The following PCDHGA1 variants were observed in gnomAD, a reference collection of about 807,000 sequenced individuals.
PCDHGA1 encodes protocadherin gamma subfamily A, 1, also known as protocadherin gamma-A1.
A neutral mutation model predicts 58.0 loss-of-function variants in PCDHGA1; 32 were observed. The ratio of observed to expected loss-of-function variants is 0.55; its 90% CI spans 0.42 to 0.74. The LOEUF is 0.74. Among genes scored for constraint, PCDHGA1 ranks in the 30% least tolerant of loss-of-function variants. PCDHGA1 has a pLI of 0.00. For missense variants in PCDHGA1, 1,205 were observed against 1,182.3 expected (o/e 1.02, Z -0.28); for synonymous variants, 498 against 501.1 (o/e 0.99, Z 0.08).
At chr5:141,470,589 G>A (rs1593264687) in intron 1 of PCDHGA1, among the ~76,000 whole-genome samples, 1 of 152,300 alleles carries the variant, frequency 6.6e-6, no homozygotes, top group East Asian at 1.9e-4. Flanking sequence ...TCATAGGCAG[G>A]CGACCTGTGC....
chr5:141,472,623 TAA>T (rs2099291037), intron 1 of PCDHGA1, among the ~76,000 whole-genome samples: 1 of 152,018 alleles, frequency 6.6e-6, no homozygotes, highest in Non-Finnish European at 1.5e-5. Context: ...AGAAAAAAGA[TAA>T]AGACTGGGAA....
At chr5:141,395,807 A>G (rs1561656089) in intron 1 of PCDHGA1, 1 of 152,004 alleles carries the variant, frequency 6.6e-6, no homozygotes, top group Non-Finnish European at 1.5e-5. Context: ...ATCCTTCAAA[A>G]CATGAACAAA....
intron 1 of PCDHGA1, chr5:141,384,681 G>A (rs1373910602): frequency 6.2e-7 from 1 of 1,614,180 alleles, no homozygotes; most frequent in South Asian, 1.1e-5. Context: ...TGGTGGCGGT[G>A]GACAAAGATT....
chr5:141,474,405 G>C (rs2099348833), intron 1 of PCDHGA1, among the ~76,000 whole-genome samples: 1 of 152,196 alleles, frequency 6.6e-6, no homozygotes, highest in Admixed American at 6.5e-5. Context: ...AAGCTCCCCG[G>C]TGATGCCTAG....
rs186060216 is a variant in PCDHGA1, at chr5:141,344,384, T to C, written c.2421+11279T>C. The C allele has an allele frequency of 5.3e-5, 86 of 1,612,814 alleles. No individual in the cohort carries two copies. The African/African-American group carries it at 1.1e-3, about 20-fold the overall frequency. On this transcript the variant is annotated intron_variant, in intron 1 of 3. Coordinates refer to ENST00000517417, the MANE Select transcript of PCDHGA1 (RefSeq NM_018912.3). Reference sequence around the variant, plus strand: ...TGGTTGAGGATAAATTGAAAATTTTTGAAGTAGAAATAGAAATTAAAGATA... The same window carrying C: ...TGGTTGAGGATAAATTGAAAATTTTCGAAGTAGAAATAGAAATTAAAGATA...
rs375310818 is a variant in PCDHGA1 at position 141,376,558 on chromosome 5, C to A, written c.2421+43453C>A. On this transcript the variant is annotated intron_variant, in intron 1 of 3. Transcript: ENST00000517417. Reference sequence around the variant, plus strand: ...AAGAGTAATCTGATCTTCCCGCAACCCAACTAATCAGACAGGCTCATCAGC... The same window carrying A: ...AAGAGTAATCTGATCTTCCCGCAACACAACTAATCAGACAGGCTCATCAGC... The A allele has an allele frequency of 6.2e-6, 10 of 1,609,858 alleles. No individual in the cohort carries two copies. In the African/African-American group the frequency reaches 1.3e-4, roughly 22 times the overall value.
intron 1 of PCDHGA1, chr5:141,341,614 G>T (rs1190697781): frequency 6.5e-6 from 6 of 919,270 alleles, no homozygotes; most frequent in Middle Eastern, 3.4e-4. Flanking sequence ...TAAACCAGGA[G>T]TTAATAGATA....
intron 1 of PCDHGA1, chr5:141,430,809 G>T (rs949727881): frequency 2.0e-6 from 3 of 1,526,896 alleles, no homozygotes; most frequent in Non-Finnish European, 2.6e-6. Flanking sequence ...GTCCTGCTGG[G>T]AATCCTCCTG....
chr5:141,445,608 C>T (rs2098472204), intron 1 of PCDHGA1, among the ~76,000 whole-genome samples: 1 of 152,108 alleles, frequency 6.6e-6, no homozygotes, highest in South Asian at 2.1e-4. Context: ...TCAAGGAAGG[C>T]TTTCTTTTTT....
Position 141,490,522 on chromosome 5 carries a change from G to A in PCDHGA1, c.2422-4285G>A, listed in dbSNP as rs191201177. ...CTATATCATCGAGCTGCTGGCCAGC[G>A]ATGCTGGTTCACCTTCCCTACACAA... On this transcript the variant is annotated intron_variant, in intron 1 of 3. Transcript: ENST00000517417. This position sits in a 1 kb window ranked among gnomAD's most constrained non-coding sequence, Gnocchi z 5.4. 5.0e-6 allele frequency: 8 copies of A among 1,614,054 alleles called. No homozygotes were observed. Among genetic ancestry groups the A allele is most frequent in the Admixed American group, 3.3e-5 (2 of 60,010 alleles).
At chr5:141,394,016 T>C in intron 1 of PCDHGA1, 1 of 1,613,452 alleles carries the variant, frequency 6.2e-7, no homozygotes, top group Non-Finnish European at 8.5e-7. Context: ...TAGGTAATTA[T>C]TATAGATTAG....
rs749121255 is a variant in PCDHGA1 at position 141,415,427 on chromosome 5, G to A, written c.2422-79380G>A. 3.1e-6 allele frequency: 5 copies of A among 1,614,050 alleles called. No homozygotes were observed. Among genetic ancestry groups the A allele is most frequent in the African/African-American group, 1.3e-5 (1 of 74,926 alleles). ...CACTTTGTGGGCGTGGACGGGGTTC[G>A]GGCTTTCCTGCAGACCTATTCCCAC... is the stretch of plus-strand genomic sequence containing the variant. On this transcript the variant is annotated intron_variant, in intron 1 of 3. Transcript: ENST00000517417.
intron 1 of PCDHGA1, chr5:141,427,503 A>C (rs1317684577): frequency 6.9e-6 from 4 of 578,118 alleles, no homozygotes; most frequent in Non-Finnish European, 9.8e-6. Flanking sequence ...AACAGATGGG[A>C]CCCTGGATTG....
chr5:141,427,807 A>T (rs1443881781), intron 1 of PCDHGA1: 2 of 1,521,932 alleles, frequency 1.3e-6, no homozygotes, highest in East Asian at 2.3e-5. Flanking sequence ...GTGAGCGCAC[A>T]GAGCGGGGTG....
intron 1 of PCDHGA1, chr5:141,413,123 AAACACAC>A (rs2095606041): frequency 2.0e-6 from 3 of 1,526,818 alleles, no homozygotes; most frequent in Middle Eastern, 3.6e-4. Context: ...GAACCGGTTG[AAACACAC>A]AACGTGTCCA....
chr5:141,458,104 A>G (rs969775517), intron 1 of PCDHGA1, among the ~76,000 whole-genome samples: 6 of 152,232 alleles, frequency 3.9e-5, no homozygotes, highest in Non-Finnish European at 8.8e-5. Flanking sequence ...ACTTACAGAT[A>G]GTCTCCAAAT....
At position 141,399,851 on chromosome 5, in the gene PCDHGA1, C is replaced by G. The variant is rs971471583; in HGVS notation, c.2421+66746C>G. 7 of 1,612,832 alleles carry G rather than the reference C, an allele frequency of 4.3e-6. No individual in the cohort carries two copies. In the African/African-American group the frequency reaches 6.7e-5, roughly 15 times the overall value. Reference sequence around the variant, plus strand: ...GGCTCTGCGCTCTTCGATATGGTGCCGCGCGCTGCAGAGCCCGGCTACCTG... The same window carrying G: ...GGCTCTGCGCTCTTCGATATGGTGCGGCGCGCTGCAGAGCCCGGCTACCTG... On this transcript the variant is annotated intron_variant, in intron 1 of 3. Coordinates refer to ENST00000517417, the MANE Select transcript of PCDHGA1 (RefSeq NM_018912.3).
intron 1 of PCDHGA1, chr5:141,423,720 A>T: frequency 3.1e-6 from 3 of 957,770 alleles, no homozygotes; most frequent in Admixed American, 5.5e-5. Context: ...TTTTAAGGAG[A>T]TGTTTTTTGA....
chr5:141,332,914 G>T lies in PCDHGA1; in HGVS notation c.2230G>T (p.Asp744Tyr). Residue 744 changes from aspartate (D) to tyrosine (Y), a missense_variant, in exon 1 of 4, where the codon GAC becomes TAC. Asp to Tyr is a radical substitution (Grantham distance 160, BLOSUM62 -3). Transcript: ENST00000517417. The surrounding 1 kb of genome is among the most constrained non-coding windows in gnomAD (Gnocchi z 4.6). ...SMPGSHFVGV[D>Y]GVRAFLQTYS... ...GCCCGGTTCGCACTTTGTGGGCGTG[G>T]ACGGGGTTCGGGCTTTCCTGCAGAC... 1 of 1,614,218 alleles carries T rather than the reference G, an allele frequency of 6.2e-7. No individual in the cohort carries two copies. Among genetic ancestry groups the T allele is most frequent in the East Asian group, 2.2e-5 (1 of 44,878 alleles).
Sources: gnomAD v4.1 joint callset for allele counts (sites outside exome capture counted in the v4.1 genomes callset) on GRCh38, gnomAD v4.1.1 for gene constraint, Gnocchi (gnomAD v3.1) non-coding constraint, MANE v1.5 for transcripts, NCBI Gene and HGNC (gene_info 2026-07-23, HGNC 2026-07-21) for gene names.